Variants in DPP10 observed in about 807,000 individuals in gnomAD.
The protein encoded by DPP10 is inactive dipeptidyl peptidase 10.
Under a neutral mutation model 120.9 loss-of-function variants are expected in DPP10, and 33 were observed. The ratio of observed to expected loss-of-function variants is 0.27; its 90% confidence interval spans 0.21 to 0.37. DPP10 has a LOEUF of 0.37. Ranked by LOEUF, DPP10 falls within the 10% of genes least tolerant of loss-of-function variation. The probability of loss-of-function intolerance (pLI) is 1.00; values close to 1 mark genes in which losing one functional copy is unlikely to be tolerated. For synonymous variants in DPP10, 337 were observed against 326.1 expected (o/e 1.03, Z -0.36); for missense variants, 816 against 942.8 (o/e 0.87, Z 1.76).
intron 8 of DPP10, among the ~76,000 whole-genome samples, chr2:115,729,585 G>A (rs1348866704): frequency 6.6e-6 from 1 of 152,140 alleles, no homozygotes; most frequent in Admixed American, 6.5e-5. Context: ...AGACAAAATA[G>A]CAAGGTTTTC....
At chr2:115,400,353 G>A (rs1336899644) in intron 3 of DPP10, among the ~76,000 whole-genome samples, 1 of 152,018 alleles carries the variant, frequency 6.6e-6, no homozygotes, top group African/African-American at 2.4e-5. Context: ...GAAGTAAATT[G>A]CCCTGTTTAA....
chr2:114,496,988 A>G (rs554771473), intron 1 of DPP10, among the ~76,000 whole-genome samples: 15 of 148,764 alleles, frequency 1.0e-4, no homozygotes, highest in Admixed American at 4.6e-4. Context: ...CCCTCTCACC[A>G]TACACAGACA....
At chr2:114,732,837 C>T (rs1431440155) in intron 1 of DPP10, among the ~76,000 whole-genome samples, 3 of 152,112 alleles carry the variant, frequency 2.0e-5, no homozygotes, top group Non-Finnish European at 4.4e-5. Context: ...ACATAGATTG[C>T]ACTAGGAATT....
At chr2:115,282,411 G>A (rs2060196500) in intron 1 of DPP10, among the ~76,000 whole-genome samples, 1 of 151,980 alleles carries the variant, frequency 6.6e-6, no homozygotes, top group Non-Finnish European at 1.5e-5. Context: ...TGGAAAATGT[G>A]TGGTATTTGC....
At chr2:115,280,988 A>G (rs1336877326) in intron 1 of DPP10, among the ~76,000 whole-genome samples, 1 of 152,170 alleles carries the variant, frequency 6.6e-6, no homozygotes, top group African/African-American at 2.4e-5. Flanking sequence ...ATGAAACTGG[A>G]ATCCAATCCT....
At chr2:114,577,743 G>A (rs538276116) in intron 1 of DPP10, among the ~76,000 whole-genome samples, 1 of 152,282 alleles carries the variant, frequency 6.6e-6, no homozygotes, top group East Asian at 1.9e-4. Flanking sequence ...GGTTTCTTCT[G>A]AGGGCTGTGA....
intron 1 of DPP10, among the ~76,000 whole-genome samples, chr2:115,239,969 A>C (rs1412762944): frequency 1.3e-5 from 2 of 152,210 alleles, no homozygotes; most frequent in African/African-American, 2.4e-5. Flanking sequence ...TCCATGGTGA[A>C]TATGTGCCAC....
intron 2 of DPP10, among the ~76,000 whole-genome samples, chr2:115,333,884 A>G (rs1011919089): frequency 6.6e-6 from 1 of 151,934 alleles, no homozygotes; most frequent in Non-Finnish European, 1.5e-5. Flanking sequence ...ACTTTGGTGT[A>G]TCTGACAATT....
chr2:115,727,961 A>G, intron 8 of DPP10, 25 bp downstream of exon 8: 1 of 1,587,488 alleles, frequency 6.3e-7, no homozygotes, highest in Non-Finnish European at 8.5e-7. Flanking sequence ...TTTAGTTTCA[A>G]AGGAAACAAA....
chr2:115,840,437 G>A lies in DPP10; in HGVS notation c.2183-313G>A, dbSNP rs546050150. Reference sequence around the variant, plus strand: ...ACTCCCGGGTTCACGCCATTCTCCTGCCTCAGCCTCTCGAGTAGCTGGGAC... The same window carrying A: ...ACTCCCGGGTTCACGCCATTCTCCTACCTCAGCCTCTCGAGTAGCTGGGAC... On this transcript the variant is annotated intron_variant, in intron 24 of 25. Transcript: ENST00000410059. Among the ~76,000 whole-genome samples, 133 of 144,858 alleles carry A rather than the reference G, an allele frequency of 9.2e-4. 1 individual carries two copies. The highest frequency in any genetic ancestry group is 3.1e-3 in the African/African-American group (121 of 39,366).
chr2:115,384,940 T>A (rs2066805840), intron 3 of DPP10, among the ~76,000 whole-genome samples: 1 of 152,162 alleles, frequency 6.6e-6, no homozygotes, highest in Non-Finnish European at 1.5e-5. Context: ...CCCATACTAT[T>A]CTTGTGGTAG....
At chr2:114,772,277 C>G (rs1681338006) in intron 1 of DPP10, among the ~76,000 whole-genome samples, 1 of 151,894 alleles carries the variant, frequency 6.6e-6, no homozygotes, top group South Asian at 2.1e-4. Context: ...CCTGCCTCAG[C>G]CCACCGAGTA....
intron 1 of DPP10, among the ~76,000 whole-genome samples, chr2:114,510,689 A>AGGT (rs149670360): frequency 0.041 from 6,292 of 152,302 alleles, 216 homozygotes; most frequent in Middle Eastern, 0.092. Flanking sequence ...GATATAGAGC[A>AGGT]GGTGCTCAAT....
At chr2:115,425,027 T>C (rs1226229229) in intron 3 of DPP10, among the ~76,000 whole-genome samples, 1 of 152,140 alleles carries the variant, frequency 6.6e-6, no homozygotes, top group Non-Finnish European at 1.5e-5. Flanking sequence ...AGAATGAAGA[T>C]AGTGCCTCTG....
At chr2:114,960,340 T>C (rs1002703033) in intron 1 of DPP10, among the ~76,000 whole-genome samples, 3 of 141,334 alleles carry the variant, frequency 2.1e-5, no homozygotes, top group Non-Finnish European at 4.5e-5. Context: ...ATCTCCTATG[T>C]CTCTGGTTGT....
chr2:115,067,022 A>AGG (rs1559053453), intron 1 of DPP10, among the ~76,000 whole-genome samples: 2 of 151,786 alleles, frequency 1.3e-5, no homozygotes, highest in Non-Finnish European at 2.9e-5. Context: ...TTCATTCTGC[A>AGG]TAACTGCAAC....
chr2:115,235,876 A>G (rs2057976567), intron 1 of DPP10, among the ~76,000 whole-genome samples: 1 of 152,162 alleles, frequency 6.6e-6, no homozygotes, highest in Non-Finnish European at 1.5e-5. Flanking sequence ...CGTTTCTTAC[A>G]GCTATTGCCT....
At chr2:115,297,674 A>G (rs2060947745) in intron 1 of DPP10, among the ~76,000 whole-genome samples, 2 of 152,060 alleles carry the variant, frequency 1.3e-5, no homozygotes, top group Non-Finnish European at 2.9e-5. Flanking sequence ...TCTGTTAACT[A>G]GAAACTACTT....
At chr2:115,097,648 A>G (rs2048467899) in intron 1 of DPP10, among the ~76,000 whole-genome samples, 1 of 152,174 alleles carries the variant, frequency 6.6e-6, no homozygotes, top group East Asian at 1.9e-4. Context: ...TTTTCAAGGA[A>G]TGTAGGGCTT....
Sources: gnomAD v4.1 joint callset for allele counts (sites outside exome capture counted in the v4.1 genomes callset) on GRCh38, gnomAD v4.1.1 for gene constraint, MANE v1.5 for transcripts, NCBI Gene and HGNC (gene_info 2026-07-23, HGNC 2026-07-21) for gene names.